C10orf90: variants seen among roughly 807,000 people sequenced by gnomAD.
C10orf90 encodes (E2-independent) E3 ubiquitin-conjugating enzyme FATS.
Under a neutral mutation model 62.5 loss-of-function variants are expected in C10orf90, and 56 were observed. The ratio of observed to expected loss-of-function variants is 0.90; its 90% CI spans 0.72 to 1.12. The LOEUF is 1.12. Among genes scored for constraint, C10orf90 ranks in the 50% most tolerant of loss-of-function variants. The pLI is 0.00. For missense variants in C10orf90, 970 were observed against 880.4 expected (o/e 1.10, Z -1.29); for synonymous variants, 386 against 340.4 (o/e 1.13, Z -1.47).
chr10:126,584,265 C>A (rs1193078941), intron 2 of C10orf90, among the ~76,000 whole-genome samples: 2 of 151,996 alleles, frequency 1.3e-5, no homozygotes, highest in African/African-American at 4.8e-5. Flanking sequence ...TGCCTGCCTG[C>A]CTGTCTACCT....
At chr10:126,461,171 T>C (rs1229814337) in intron 6 of C10orf90, among the ~76,000 whole-genome samples, 2 of 152,172 alleles carry the variant, frequency 1.3e-5, no homozygotes, top group African/African-American at 4.8e-5. Context: ...TCACTACTGA[T>C]AGTATTTGAT....
intron 2 of C10orf90, among the ~76,000 whole-genome samples, chr10:126,514,757 C>G (rs2133921764): frequency 6.6e-6 from 1 of 152,362 alleles, no homozygotes; most frequent in African/African-American, 2.4e-5. Context: ...AGACCCTCAG[C>G]AGCCACAGCA....
In C10orf90 at chr10:126,425,086, A is replaced by G. The variant is rs573025671; in HGVS notation, c.*778T>C. On this transcript the variant is annotated 3_prime_UTR_variant, in exon 10 of 10. Transcript: ENST00000488181. ...TCCCAAACAGACATATTTATAAATA[A>G]TGTGTATTATAAACATTTGGAAGAA... The G allele has an allele frequency of 6.6e-6, 1 of 152,354 alleles. No individual in the cohort carries two copies. The highest frequency in any genetic ancestry group is 2.1e-4 in the South Asian group (1 of 4,824). The allele number at this position is 152,354 out of a possible 1,614,324, so 9.4% of individuals were successfully genotyped here. A position where few individuals can be genotyped will look rare whatever the true frequency, so the allele number is the denominator to read the frequency against.
chr10:126,490,229 C>T (rs1394036594), intron 4 of C10orf90, among the ~76,000 whole-genome samples: 2 of 149,074 alleles, frequency 1.3e-5, no homozygotes, highest in Non-Finnish European at 3.0e-5. Flanking sequence ...CATGCAACGG[C>T]ATAAATGAAC....
chr10:126,590,578 T>C (rs1327984717), intron 2 of C10orf90, among the ~76,000 whole-genome samples: 2 of 152,188 alleles, frequency 1.3e-5, no homozygotes, highest in East Asian at 3.8e-4. Context: ...AGCGTGCTCC[T>C]GAATGACTGC....
Position 126,500,962 on chromosome 10 carries a change from C to A in C10orf90, c.1534+2995G>T, listed in dbSNP as rs151158948. 7.3e-3 allele frequency among the ~76,000 whole-genome samples: 1,109 copies of A among 152,274 alleles called. 5 individuals carry two copies. Among genetic ancestry groups the A allele is most frequent in the Middle Eastern group, 0.014 (4 of 294 alleles). On this transcript the variant is annotated intron_variant, in intron 4 of 9. Coordinates refer to ENST00000488181, the MANE Select transcript of C10orf90 (RefSeq NM_001350921.2). The stretch of plus-strand genomic sequence containing the variant: ...AAGCAGCTGAATGTCAGTAAGCCAG[C>A]CAACAGAAGATCCTGCTCATGAGGT...
intron 4 of C10orf90, among the ~76,000 whole-genome samples, chr10:126,474,584 C>T (rs1035152132): frequency 6.6e-6 from 1 of 151,878 alleles, no homozygotes; most frequent in African/African-American, 2.4e-5. Context: ...GATGTAAATG[C>T]ATATATAGCA....
chr10:126,612,466 G>T (rs997661574), intron 2 of C10orf90, among the ~76,000 whole-genome samples: 5 of 152,196 alleles, frequency 3.3e-5, no homozygotes, highest in African/African-American at 4.8e-5. Context: ...CCTACACGTG[G>T]CCACCCTGTG....
intron 2 of C10orf90, among the ~76,000 whole-genome samples, chr10:126,617,800 T>C (rs926682922): frequency 9.2e-5 from 14 of 152,174 alleles, no homozygotes; most frequent in Non-Finnish European, 1.6e-4. Context: ...AAAAAAAGCA[T>C]CTCCCATGAG....
chr10:126,577,703 C>G (rs1844655564), intron 2 of C10orf90, among the ~76,000 whole-genome samples: 2 of 152,094 alleles, frequency 1.3e-5, no homozygotes, highest in African/African-American at 4.8e-5. Flanking sequence ...TCCAGGTAAT[C>G]TTGAATAACA....
chr10:126,606,216 G>A (rs368265260), intron 2 of C10orf90, among the ~76,000 whole-genome samples: 3 of 152,154 alleles, frequency 2.0e-5, no homozygotes, highest in East Asian at 1.9e-4. Context: ...TTAATTAAAC[G>A]AATGATTATG....
intron 2 of C10orf90, among the ~76,000 whole-genome samples, chr10:126,575,326 T>C (rs1217992645): frequency 6.6e-6 from 1 of 151,548 alleles, no homozygotes; most frequent in East Asian, 1.9e-4. Flanking sequence ...TTATAACAGC[T>C]ACCAAAAATA....
chr10:126,529,509 A>AC, intron 2 of C10orf90, among the ~76,000 whole-genome samples: 1 of 152,284 alleles, frequency 6.6e-6, no homozygotes, highest in East Asian at 1.9e-4. Context: ...TAATTTTAAA[A>AC]CCCCCCGTAA....
chr10:126,479,516 C>T (rs1041843488), intron 4 of C10orf90, among the ~76,000 whole-genome samples: 1 of 152,154 alleles, frequency 6.6e-6, no homozygotes, highest in African/African-American at 2.4e-5. Flanking sequence ...CTGCGAGGCC[C>T]TGATTGTTCA....
rs1564841105 is a variant in C10orf90, at chr10:126,504,974, T to C, written c.517A>G (p.Ile173Val). ...GCGTGATGTGCACGAGACTGAGCAA[T>C]GGCACACGGTAGGGGCAAGGAGGCC... The part of the protein sequence containing the change: ...NRASLPLPCA[I>V]AQSRAHHAKQ... Residue 173 changes from isoleucine to valine, a missense_variant, in exon 4 of 10, where the codon ATT becomes GTT. Coordinates refer to ENST00000488181, the MANE Select transcript of C10orf90 (RefSeq NM_001350921.2). This position sits in a 1 kb window ranked among gnomAD's most constrained non-coding sequence, Gnocchi z 4.1. The C allele has an allele frequency of 1.2e-6, 2 of 1,614,262 alleles. No homozygotes were observed. The highest frequency in any genetic ancestry group is 2.2e-5 in the South Asian group (2 of 91,086).
chr10:126,509,149 A>G (rs554220996), intron 3 of C10orf90, among the ~76,000 whole-genome samples: 3 of 152,208 alleles, frequency 2.0e-5, no homozygotes, highest in Admixed American at 6.5e-5. Flanking sequence ...TTTTGACTCT[A>G]TCAGATGTGA....
intron 2 of C10orf90, among the ~76,000 whole-genome samples, chr10:126,567,501 C>T (rs188415473): frequency 1.6e-4 from 24 of 152,230 alleles, no homozygotes; most frequent in Admixed American, 2.6e-4. Context: ...CAAACCATAT[C>T]GGGAGGCATG....
chr10:126,438,736 A>C (rs72830757), intron 7 of C10orf90, among the ~76,000 whole-genome samples: 4,049 of 120,892 alleles, frequency 0.033, 85 homozygotes, highest in Middle Eastern at 0.057. Flanking sequence ...ATATGTATAC[A>C]TGTGTGTATG....
At chr10:126,526,789 G>A (rs940523795) in intron 2 of C10orf90, among the ~76,000 whole-genome samples, 5 of 152,082 alleles carry the variant, frequency 3.3e-5, no homozygotes, top group African/African-American at 1.2e-4. Flanking sequence ...TATCCATTCT[G>A]GACATATCCT....
Sources: gnomAD v4.1 joint callset for allele counts (sites outside exome capture counted in the v4.1 genomes callset) on GRCh38, gnomAD v4.1.1 for gene constraint, Gnocchi (gnomAD v3.1) non-coding constraint, MANE v1.5 for transcripts, NCBI Gene and HGNC (gene_info 2026-07-23, HGNC 2026-07-21) for gene names.